The following ARHGEF3 variants were observed in gnomAD, a reference collection of about 807,000 sequenced individuals.
ARHGEF3 encodes the protein 59.8 kDA protein.
Under a neutral mutation model 63.2 loss-of-function variants are expected in ARHGEF3, and 28 were observed. The observed-to-expected ratio is 0.44, with a 90% CI of 0.33 to 0.61. The LOEUF is 0.61. Among genes scored for constraint, ARHGEF3 ranks in the 20% least tolerant of loss-of-function variants. The pLI, the probability that ARHGEF3 is intolerant of heterozygous loss-of-function variation, is 0.03. For missense variants in ARHGEF3, 533 were observed against 659.3 expected, an observed-to-expected ratio of 0.81 and a Z score of 2.10; for synonymous variants, 266 against 254.2, an observed-to-expected ratio of 1.05 and a Z score of -0.44.
At chr3:56,848,756 T>C (rs2039573707) in intron 4 of ARHGEF3, among the ~76,000 whole-genome samples, 1 of 151,298 alleles carries the variant, frequency 6.6e-6, no homozygotes, top group South Asian at 2.1e-4. Flanking sequence ...AGCCTCTGCT[T>C]CCTGAGTTCC....
intron 1 of ARHGEF3, among the ~76,000 whole-genome samples, chr3:57,071,233 T>C (rs1046149154): frequency 2.0e-5 from 3 of 152,180 alleles, no homozygotes; most frequent in Admixed American, 6.5e-5. Context: ...TTTCAACACA[T>C]GGTTCTGGGA....
At chr3:56,910,515 C>T (rs77682983) in intron 3 of ARHGEF3, among the ~76,000 whole-genome samples, 3,212 of 152,230 alleles carry the variant, frequency 0.021, 96 homozygotes, top group Non-Finnish European at 0.029. Context: ...ATGCAATAGA[C>T]CTGTATATAT....
chr3:56,968,292 A>C (rs1578985099), intron 2 of ARHGEF3, among the ~76,000 whole-genome samples: 17 of 66,308 alleles, frequency 2.6e-4, no homozygotes, highest in South Asian at 1.2e-3. Context: ...TATATAATAT[A>C]TATAATATAT....
intron 1 of ARHGEF3, among the ~76,000 whole-genome samples, chr3:57,041,083 C>G (rs958871364): frequency 1.3e-5 from 2 of 152,194 alleles, no homozygotes; most frequent in African/African-American, 4.8e-5. Context: ...GACCAAACAC[C>G]TACTCTTATC....
chr3:56,851,291 C>T (rs2039667609), intron 4 of ARHGEF3, among the ~76,000 whole-genome samples: 1 of 152,166 alleles, frequency 6.6e-6, no homozygotes, highest in Admixed American at 6.5e-5. Context: ...CACCTCTCTC[C>T]TGCCCTCCTT....
intron 1 of ARHGEF3, among the ~76,000 whole-genome samples, chr3:56,793,906 G>A (rs936976390): frequency 6.6e-6 from 1 of 152,122 alleles, no homozygotes; most frequent in African/African-American, 2.4e-5. Context: ...AGCATATTAA[G>A]CCTAAAAGAA....
chr3:56,937,117 T>A (rs1465051353), intron 3 of ARHGEF3, among the ~76,000 whole-genome samples: 1 of 152,128 alleles, frequency 6.6e-6, no homozygotes, highest in East Asian at 1.9e-4. Context: ...CAAAATGAAA[T>A]CATGGTCCTT....
At chr3:56,983,632 T>C (rs1701414415) in intron 2 of ARHGEF3, among the ~76,000 whole-genome samples, 1 of 152,200 alleles carries the variant, frequency 6.6e-6, no homozygotes, top group African/African-American at 2.4e-5. Flanking sequence ...GTCAGGTTCA[T>C]GTCTCCTTTT....
At chr3:56,849,400 A>T (rs577344662) in intron 4 of ARHGEF3, among the ~76,000 whole-genome samples, 2 of 152,330 alleles carry the variant, frequency 1.3e-5, no homozygotes, top group African/African-American at 4.8e-5. Flanking sequence ...CTCTGGATTC[A>T]TTTTAGCAAT....
intron 4 of ARHGEF3, among the ~76,000 whole-genome samples, chr3:56,855,293 A>G (rs2039829648): frequency 2.0e-5 from 3 of 152,190 alleles, no homozygotes; most frequent in African/African-American, 7.2e-5. Flanking sequence ...AAGACCACAT[A>G]TCTAAAAAGT....
intron 3 of ARHGEF3, among the ~76,000 whole-genome samples, chr3:56,902,291 A>G (rs2041533393): frequency 6.6e-6 from 1 of 152,216 alleles, no homozygotes; most frequent in South Asian, 2.1e-4. Flanking sequence ...CAAACTTACA[A>G]ATATGAAATC....
intron 2 of ARHGEF3, among the ~76,000 whole-genome samples, chr3:56,758,182 G>A (rs943843456): frequency 1.3e-5 from 2 of 151,692 alleles, no homozygotes; most frequent in Non-Finnish European, 2.9e-5. Context: ...TTGGGAAGCT[G>A]AGGCAGAAGA....
chr3:56,777,756 ACT>A (rs925817577), intron 1 of ARHGEF3, among the ~76,000 whole-genome samples: 16 of 152,038 alleles, frequency 1.1e-4, no homozygotes, highest in Middle Eastern at 6.8e-3. Flanking sequence ...CTGCCCTGAG[ACT>A]CTACCCCTAT....
chr3:57,036,119 T>G (rs1031505342), intron 1 of ARHGEF3, among the ~76,000 whole-genome samples: 2 of 152,146 alleles, frequency 1.3e-5, no homozygotes, highest in Non-Finnish European at 2.9e-5. Context: ...TGAAACTACA[T>G]GCAACTTCCT....
chr3:56,773,982 A>G (rs2036154121), intron 1 of ARHGEF3, among the ~76,000 whole-genome samples, 166 bp from the exon 2 acceptor site: 1 of 152,228 alleles, frequency 6.6e-6, no homozygotes, highest in African/African-American at 2.4e-5. Context: ...GACCTGGCTT[A>G]GGAGGCAGGG....
At chr3:56,916,688 A>G (rs1055895744) in intron 3 of ARHGEF3, among the ~76,000 whole-genome samples, 2 of 152,198 alleles carry the variant, frequency 1.3e-5, no homozygotes, top group African/African-American at 4.8e-5. Context: ...GAAGCATCCC[A>G]TCGGCTGCAG....
intron 4 of ARHGEF3, among the ~76,000 whole-genome samples, chr3:56,753,239 G>A (rs924669056): frequency 6.6e-6 from 1 of 152,194 alleles, no homozygotes; most frequent in African/African-American, 2.4e-5. Flanking sequence ...TACATAAGGC[G>A]AGGCCTCCAT....
chr3:57,042,700 AT>A lies in ARHGEF3; in HGVS notation c.-27-7525del, dbSNP rs869145503. Reference sequence around the variant, plus strand: ...TATATATATATATATATATATATATATTTTTTTTTTTTTTTAGACGGAGTCT... The same window carrying A: ...TATATATATATATATATATATATATATTTTTTTTTTTTTTAGACGGAGTCT... On this transcript the variant is annotated intron_variant, in intron 1 of 12. Coordinates refer to the ARHGEF3 transcript ENST00000338458. Among the ~76,000 whole-genome samples, 124 of 66,110 alleles carry A rather than the reference AT, an allele frequency of 1.9e-3. 1 individual carries two copies. The highest frequency in any genetic ancestry group is 6.0e-3 in the African/African-American group (119 of 19,990). The allele number at this position is 66,110 out of a possible 152,430, so 43.4% of individuals were successfully genotyped here.
intron 1 of ARHGEF3, among the ~76,000 whole-genome samples, chr3:56,786,474 A>C (rs1315367077): frequency 6.6e-6 from 1 of 152,234 alleles, no homozygotes; most frequent in Non-Finnish European, 1.5e-5. Flanking sequence ...GCATGTGTGC[A>C]CAACACAAAA....
Sources: allele counts gnomAD v4.1 joint callset (sites outside exome capture counted in the v4.1 genomes callset), GRCh38; gene constraint gnomAD v4.1.1; transcripts MANE v1.5; gene names NCBI Gene and HGNC (gene_info 2026-07-23, HGNC 2026-07-21).